Variants in FGF14 observed in about 807,000 individuals in gnomAD.
FGF14 encodes the protein fibroblast growth factor homologous factor 4.
A neutral mutation model predicts 25.5 loss-of-function variants in FGF14; 5 were observed. That is an observed-to-expected ratio of 0.20 (90% confidence interval 0.10 to 0.41). The LOEUF (loss-of-function observed/expected upper bound fraction) is 0.41. Among genes scored for constraint, FGF14 ranks in the 10% least tolerant of loss-of-function variants. The pLI is 1.00. For missense variants in FGF14, 222 were observed against 320.1 expected, an observed-to-expected ratio of 0.69 and a Z score of 2.34; for synonymous variants, 138 against 118.3, an observed-to-expected ratio of 1.17 and a Z score of -1.08.
chr13:102,228,699 C>G (rs2050939915), intron 1 of FGF14, among the ~76,000 whole-genome samples: 1 of 152,106 alleles, frequency 6.6e-6, no homozygotes, highest in African/African-American at 2.4e-5. Context: ...AAAGCAGAGG[C>G]TTAGGGAAGT....
intron 1 of FGF14, among the ~76,000 whole-genome samples, chr13:101,929,950 GCAACA>G (rs2034639649): frequency 6.6e-6 from 1 of 152,126 alleles, no homozygotes; most frequent in African/African-American, 2.4e-5. Flanking sequence ...GAAAAAAGGG[GCAACA>G]CATACATAAA....
chr13:102,138,011 C>T (rs2046486708), intron 1 of FGF14, among the ~76,000 whole-genome samples: 1 of 150,800 alleles, frequency 6.6e-6, no homozygotes, highest in Non-Finnish European at 1.5e-5. Flanking sequence ...TGGACCGTCC[C>T]AGCTGAAATC....
intron 3 of FGF14, among the ~76,000 whole-genome samples, chr13:101,752,483 A>G (rs917157064): frequency 6.6e-6 from 1 of 152,234 alleles, no homozygotes; most frequent in Non-Finnish European, 1.5e-5. Flanking sequence ...ATATTAAACT[A>G]AAAATAATAT....
At chr13:102,243,773 G>A (rs1042379952) in intron 1 of FGF14, among the ~76,000 whole-genome samples, 1 of 151,604 alleles carries the variant, frequency 6.6e-6, no homozygotes, top group Non-Finnish European at 1.5e-5. Flanking sequence ...GCAAATAGGT[G>A]GTCAGCAAGA....
chr13:101,715,660 A>T lies in FGF14; in HGVS notation c.*7171T>A. On this transcript the variant is annotated 3_prime_UTR_variant, in exon 5 of 5. Coordinates refer to ENST00000376143, the MANE Select transcript of FGF14 (RefSeq NM_004115.4). ...TTGGCTCAGAATATCCTTAACAATT[A>T]CATGAGAGAGGTCTGGATTCTTATT... 1.3e-6 allele frequency: 2 copies of T among 1,580,008 alleles called. No individual in the cohort carries two copies. Among genetic ancestry groups the T allele is most frequent in the Non-Finnish European group, 1.7e-6 (2 of 1,149,052 alleles).
intron 1 of FGF14, among the ~76,000 whole-genome samples, chr13:102,321,012 T>A (rs928877552): frequency 6.6e-6 from 1 of 152,156 alleles, no homozygotes; most frequent in Non-Finnish European, 1.5e-5. Flanking sequence ...GCTGGTACAG[T>A]TCATACGTAG....
intron 1 of FGF14, among the ~76,000 whole-genome samples, chr13:102,073,740 A>C (rs1466000979): frequency 6.6e-6 from 1 of 152,212 alleles, no homozygotes; most frequent in Non-Finnish European, 1.5e-5. Context: ...TTTTATATCA[A>C]AGGCCTATGA....
intron 3 of FGF14, among the ~76,000 whole-genome samples, chr13:101,794,384 A>G (rs1448303950): frequency 1.3e-5 from 2 of 152,086 alleles, no homozygotes; most frequent in African/African-American, 4.8e-5. Context: ...CCTGTTGGGT[A>G]GACTTTCTGG....
chr13:101,847,941 T>C (rs1388628972), intron 3 of FGF14, among the ~76,000 whole-genome samples: 1 of 152,024 alleles, frequency 6.6e-6, no homozygotes, highest in East Asian at 1.9e-4. Context: ...CTACCTTGCA[T>C]TTAGTAGAGT....
At chr13:101,828,321 T>TC (rs1353437882) in intron 3 of FGF14, among the ~76,000 whole-genome samples, 2 of 152,044 alleles carry the variant, frequency 1.3e-5, no homozygotes, top group Non-Finnish European at 2.9e-5. Flanking sequence ...GTAAGACTGC[T>TC]CATCGAGAAT....
intron 1 of FGF14, among the ~76,000 whole-genome samples, chr13:102,209,595 A>G (rs9518660): frequency 0.2 from 30,833 of 152,074 alleles, 5,925 homozygotes; most frequent in African/African-American, 0.5. Context: ...CTCCAGTGAG[A>G]GGCAGCTATA....
chr13:101,864,597 T>C (rs1272130917), intron 3 of FGF14, among the ~76,000 whole-genome samples: 1 of 152,106 alleles, frequency 6.6e-6, no homozygotes, highest in Non-Finnish European at 1.5e-5. Context: ...AGCCCTAATA[T>C]TTGCAAAACA....
chr13:102,376,359 A>ATTAAACC (rs1377422706), intron 1 of FGF14, among the ~76,000 whole-genome samples: 1 of 152,184 alleles, frequency 6.6e-6, no homozygotes, highest in Admixed American at 6.5e-5. Flanking sequence ...CTGTGAGTCA[A>ATTAAACC]TTAAACCTCT....
rs201311294 is a variant in FGF14 at position 102,326,761 on chromosome 13, G to A, written c.208+74710C>T. On this transcript the variant is annotated intron_variant, in intron 1 of 4. Transcript: ENST00000376131. ...AAGGAAGGAAGGAAGGAAAGAGGGA[G>A]GGAAGGAAGGAAGAAAAAAAAGGAA... 6.4e-4 allele frequency among the ~76,000 whole-genome samples: 56 copies of A among 88,052 alleles called. 2 individuals carry two copies. Among genetic ancestry groups the A allele is most frequent in the East Asian group, 1.5e-3 (5 of 3,430 alleles). 57.8% of individuals were successfully genotyped at this position (88,052 alleles called of 152,430 possible).
chr13:102,274,661 C>T (rs1420897879), intron 1 of FGF14, among the ~76,000 whole-genome samples: 1 of 151,946 alleles, frequency 6.6e-6, no homozygotes, highest in Admixed American at 6.6e-5. Flanking sequence ...ATGTTAAAAG[C>T]CTGTCAAACA....
At chr13:102,000,295 G>A (rs1173308734) in intron 1 of FGF14, among the ~76,000 whole-genome samples, 1 of 152,122 alleles carries the variant, frequency 6.6e-6, no homozygotes, top group African/African-American at 2.4e-5. Context: ...CTCCAGCCTG[G>A]GCGACAGAGC....
chr13:101,986,709 T>C (rs1209931591), intron 1 of FGF14, among the ~76,000 whole-genome samples: 1 of 152,114 alleles, frequency 6.6e-6, no homozygotes, highest in Non-Finnish European at 1.5e-5. Context: ...TACCTATCCA[T>C]GTGCACATCA....
chr13:101,870,334 T>A (rs1467080746), intron 2 of FGF14, among the ~76,000 whole-genome samples: 2 of 152,232 alleles, frequency 1.3e-5, no homozygotes, highest in African/African-American at 4.8e-5. Context: ...CTTGAAAGAA[T>A]GGGCACCATA....
chr13:101,906,624 T>G (rs2032279651), intron 1 of FGF14, among the ~76,000 whole-genome samples: 1 of 152,152 alleles, frequency 6.6e-6, no homozygotes, highest in South Asian at 2.1e-4. Flanking sequence ...GTCTCGTTGT[T>G]GAGCCAAGTA....
Sources: gnomAD v4.1 joint callset for allele counts (sites outside exome capture counted in the v4.1 genomes callset) on GRCh38, gnomAD v4.1.1 for gene constraint, MANE v1.5 for transcripts, NCBI Gene and HGNC (gene_info 2026-07-23, HGNC 2026-07-21) for gene names.